PFKM: variants seen among roughly 807,000 people sequenced by gnomAD.
PFKM encodes ATP-dependent 6-phosphofructokinase, muscle type.
In PFKM, 58 loss-of-function variants were observed where a neutral mutation model predicts 95.5. The observed-to-expected ratio is 0.61, with a 90% CI of 0.49 to 0.76. PFKM has a LOEUF of 0.76. Among genes scored for constraint, PFKM ranks in the 30% least tolerant of loss-of-function variants. PFKM has a pLI of 0.00. For missense variants in PFKM, 678 were observed against 1,005.4 expected (o/e 0.67, Z 4.40); for synonymous variants, 336 against 357.2 (o/e 0.94, Z 0.67).
chr12:48,129,716 G>A (rs4141065), intron 2 of PFKM, among the ~76,000 whole-genome samples: 34,444 of 152,100 alleles, frequency 0.23, 4,657 homozygotes, highest in East Asian at 0.59. Flanking sequence ...AATAAACTGT[G>A]ACTTGCCAGG....
upstream of PFKM, among the ~76,000 whole-genome samples, chr12:48,117,074 C>A (rs150482911): frequency 6.6e-6 from 1 of 152,140 alleles, no homozygotes; most frequent in Admixed American, 6.6e-5. Flanking sequence ...TTATTGTCTC[C>A]GTAGTTTTAC....
Position 48,145,121 on chromosome 12 carries a change from T to C in PFKM, c.2083T>C (p.Tyr695His). 6.2e-7 allele frequency: 1 copy of C among 1,613,882 alleles called. No individual in the cohort carries two copies. Among genetic ancestry groups the C allele is most frequent in the South Asian group, 1.1e-5 (1 of 91,074 alleles). Reference sequence around the variant, plus strand: ...GATGTCTGGGAAAATCAAAGAGAGTTACCGTAATGGTAGGTGGGGTGAGAG... The same window carrying C: ...GATGTCTGGGAAAATCAAAGAGAGTCACCGTAATGGTAGGTGGGGTGAGAG... ...NWMSGKIKES[Y>H]RNGRIFANTP... Residue 695 changes from tyrosine (Y) to histidine (H), a missense_variant, in exon 21 of 23, where the codon TAC (tyrosine) becomes CAC (histidine). By Grantham distance (83) the Tyr-to-His change is moderately conservative. Transcript: ENST00000359794. This position sits in a 1 kb window ranked among gnomAD's most constrained non-coding sequence, Gnocchi z 4.3.
chr12:48,130,525 C>A lies in PFKM; in HGVS notation c.159+89C>A, dbSNP rs74089112. 5,012 of 968,456 alleles carry A rather than the reference C, an allele frequency of 5.2e-3. 155 individuals are homozygous for A. In the African/African-American group the frequency reaches 0.066, roughly 13 times the overall value. 60.0% of individuals were successfully genotyped at this position (968,456 alleles called of 1,614,324 possible). A position where few individuals can be genotyped will look rare whatever the true frequency, so the allele number is the denominator to read the frequency against. ...CCCTTCCCACATTCTGTGTCCTTAC[C>A]TCCCAGTTAGTTACATTGCTGTGTT... is the stretch of plus-strand genomic sequence containing the variant. On this transcript the variant is annotated intron_variant, in intron 3 of 22. Coordinates refer to ENST00000359794, the MANE Select transcript of PFKM (RefSeq NM_000289.6).
intron 19 of PFKM, 93 bp from the exon 20 acceptor site, chr12:48,143,953 G>C: frequency 8.9e-7 from 1 of 1,126,790 alleles, no homozygotes; most frequent in Non-Finnish European, 1.4e-6. Context: ...TGAATCCTTG[G>C]AGGAGATAAA....
chr12:48,142,208 C>T, intron 17 of PFKM, 142 bp downstream of exon 17: 1 of 900,600 alleles, frequency 1.1e-6, no homozygotes, highest in South Asian at 1.4e-5. Context: ...CATGGTGGCT[C>T]ACACTTCTAA....
At chr12:48,139,075 G>A (rs1473267235) in intron 11 of PFKM, among the ~76,000 whole-genome samples, 2 of 152,168 alleles carry the variant, frequency 1.3e-5, no homozygotes, top group African/African-American at 4.8e-5. Flanking sequence ...CATAGAATCA[G>A]TTCTTTTCTT....
intron 12 of PFKM, chr12:48,139,625 C>A: frequency 1.6e-6 from 1 of 630,382 alleles, no homozygotes; most frequent in Non-Finnish European, 2.8e-6. Flanking sequence ...GGGACAGTCT[C>A]TTGTGCTGAG....
chr12:48,145,167 T>A lies in PFKM; in HGVS notation c.2092+37T>A. The A allele has an allele frequency of 6.2e-7, 1 of 1,610,058 alleles. No individual in the cohort carries two copies. Among genetic ancestry groups the A allele is most frequent in the Non-Finnish European group, 8.5e-7 (1 of 1,176,238 alleles). On this transcript the variant is annotated intron_variant, in intron 21 of 22. Coordinates refer to ENST00000359794, the MANE Select transcript of PFKM (RefSeq NM_000289.6). This position sits in a 1 kb window ranked among gnomAD's most constrained non-coding sequence, Gnocchi z 4.3. ...GAGAGCGAGTGCCCTCTATAGAGGC[T>A]GGTTCCCCAGTATAGAAGCTGACTG...
chr12:48,105,689 C>T (rs1372456113), upstream of PFKM: 4 of 455,304 alleles, frequency 8.8e-6, no homozygotes, highest in East Asian at 1.8e-4. Context: ...GGCGGGAAAG[C>T]CCCGGAATCG....
intron 14 of PFKM, 71 bp from the exon 15 acceptor site, chr12:48,141,240 A>G: frequency 7.3e-7 from 1 of 1,370,130 alleles, no homozygotes; most frequent in Non-Finnish European, 1.0e-6. Context: ...GAACTCAAGC[A>G]GTGGCACCAG....
chr12:48,105,927 C>T, exon 1 of PFKM: 1 of 671,828 alleles, frequency 1.5e-6, no homozygotes. Flanking sequence ...CTCCCCGCTT[C>T]CGCCCAGTCC....
At position 48,123,402 on chromosome 12, in the gene PFKM, C is replaced by T. The variant is rs867436584; in HGVS notation, c.85+543C>T. On this transcript the variant is annotated intron_variant, in intron 2 of 22. Coordinates refer to ENST00000359794, the MANE Select transcript of PFKM (RefSeq NM_000289.6). Reference sequence around the variant, plus strand: ...CAGCAGCAGTTAATCAATACAGATCCGGTATGAGGTGGAGGGGCAGAAAAC... The same window carrying T: ...CAGCAGCAGTTAATCAATACAGATCTGGTATGAGGTGGAGGGGCAGAAAAC... Among the ~76,000 whole-genome samples the T allele has an allele frequency of 4.6e-5, 7 of 151,986 alleles. No homozygotes were observed. In the East Asian group the frequency reaches 9.6e-4, roughly 21 times the overall value.
At chr12:48,143,090 G>A in intron 18 of PFKM, 144 bp downstream of exon 18, 1 of 789,396 alleles carries the variant, frequency 1.3e-6, no homozygotes, top group Non-Finnish European at 2.2e-6. Flanking sequence ...GCACTATGCA[G>A]GCATTCTCTG....
At position 48,131,308 on chromosome 12, in the gene PFKM, T is replaced by C. The variant is rs776342961; in HGVS notation, c.160-8T>C. The C allele has an allele frequency of 6.2e-7, 1 of 1,600,856 alleles. No homozygotes were observed. On this transcript the variant is annotated splice_polypyrimidine_tract_variant and splice_region_variant and intron_variant, in intron 3 of 22. Transcript: ENST00000359794. ...TAACGGGCTGAACAGGTATAATGTG[T>C]CACACAGGGTTATCAAGGCCTGGTG... is the stretch of plus-strand genomic sequence containing the variant.
intron 6 of PFKM, 81 bp from the exon 7 acceptor site, chr12:48,134,151 G>C: frequency 8.9e-7 from 1 of 1,117,876 alleles, no homozygotes; most frequent in Non-Finnish European, 1.4e-6. Context: ...TCCCAGAGAG[G>C]GTAATTGGCC....
chr12:48,112,358 T>C (rs1353917159), intron 3 of PFKM, among the ~76,000 whole-genome samples: 1 of 152,170 alleles, frequency 6.6e-6, no homozygotes, highest in Non-Finnish European at 1.5e-5. Context: ...GTAGAAGGGA[T>C]TGGGGTTTAG....
At chr12:48,134,073 A>G (rs1949802823) in intron 6 of PFKM, among the ~76,000 whole-genome samples, 159 bp from the exon 7 acceptor site, 1 of 152,096 alleles carries the variant, frequency 6.6e-6, no homozygotes, top group African/African-American at 2.4e-5. Context: ...CCTTGTGGCT[A>G]AAGTATTTCC....
Position 48,144,907 on chromosome 12 carries a change from T to C in PFKM, c.1993-124T>C. 5.2e-6 allele frequency: 4 copies of C among 762,006 alleles called. No individual in the cohort carries two copies. In the South Asian group the frequency reaches 6.0e-5, roughly 12 times the overall value. The allele number at this position is 762,006 out of a possible 1,614,324, so 47.2% of individuals were successfully genotyped here. On this transcript the variant is annotated intron_variant, in intron 20 of 22. Transcript: ENST00000359794. ...TCAGGGCACCCTTTCATAGTTTGAC[T>C]TCTGGATTCCTGTTTTGGGCTGTAA...
At position 48,135,373 on chromosome 12, in the gene PFKM, A is replaced by G. The variant is rs1169383137; in HGVS notation, c.926A>G (p.Asp309Gly). The G allele has an allele frequency of 1.2e-6, 2 of 1,612,866 alleles. No individual in the cohort carries two copies. Among genetic ancestry groups the G allele is most frequent in the Non-Finnish European group, 1.7e-6 (2 of 1,178,912 alleles). ...AGGGGTGGGACGCCATCAGCCTTTG[A>G]CAGAATTCTGGTAAGTCACTGGGCT... ...VQRGGTPSAFDRILGSRMGVE... is the reference protein window; with the variant it reads ...VQRGGTPSAFGRILGSRMGVE... Residue 309 changes from aspartate to glycine, a missense_variant, in exon 10 of 23, where the codon GAC (aspartate) becomes GGC (glycine). Physicochemically the swap from Asp to Gly is moderately conservative, Grantham distance 94 (BLOSUM62 -1). Transcript: ENST00000359794.
Sources: gnomAD v4.1 joint callset for allele counts (sites outside exome capture counted in the v4.1 genomes callset) on GRCh38, gnomAD v4.1.1 for gene constraint, Gnocchi (gnomAD v3.1) non-coding constraint, MANE v1.5 for transcripts, NCBI Gene and HGNC (gene_info 2026-07-23, HGNC 2026-07-21) for gene names.